Variants in L3MBTL4 observed in about 807,000 individuals in gnomAD.
L3MBTL4 encodes lethal(3)malignant brain tumor-like protein 4.
In L3MBTL4, 70 loss-of-function variants were observed where a neutral mutation model predicts 84.5. The observed-to-expected ratio is 0.83, with a 90% CI of 0.68 to 1.01. L3MBTL4 has a LOEUF of 1.01. Among genes scored for constraint, L3MBTL4 ranks in the 50% least tolerant of loss-of-function variants. The pLI is 0.00. For missense variants in L3MBTL4, 715 were observed against 754.8 expected, an observed-to-expected ratio of 0.95 and a Z score of 0.62; for synonymous variants, 274 against 259.8, an observed-to-expected ratio of 1.05 and a Z score of -0.52.
chr18:6,030,501 CTT>C (rs112869054), intron 16 of L3MBTL4: 9,256 of 809,030 alleles, frequency 0.011, no homozygotes, highest in Non-Finnish European at 0.012. Flanking sequence ...TGAAGAGACT[CTT>C]TTTTTTTTTT....
At chr18:6,069,738 C>T (rs910705014) in intron 16 of L3MBTL4, among the ~76,000 whole-genome samples, 4 of 152,036 alleles carry the variant, frequency 2.6e-5, no homozygotes, top group South Asian at 2.1e-4. Flanking sequence ...ATGCAGTTGG[C>T]GAGGCTGATA....
intron 3 of L3MBTL4, among the ~76,000 whole-genome samples, chr18:6,307,874 G>A (rs2050662014): frequency 6.6e-6 from 1 of 151,980 alleles, no homozygotes; most frequent in Non-Finnish European, 1.5e-5. Context: ...TTTCATTTTT[G>A]TATATTCATT....
At chr18:6,133,060 T>C (rs73381906) in intron 14 of L3MBTL4, among the ~76,000 whole-genome samples, 7,935 of 152,160 alleles carry the variant, frequency 0.052, 702 homozygotes, top group African/African-American at 0.18. Context: ...ACGATAATGA[T>C]TCAAGTTTTG....
intron 12 of L3MBTL4, among the ~76,000 whole-genome samples, chr18:6,197,587 T>C (rs1419350633): frequency 6.6e-6 from 1 of 152,212 alleles, no homozygotes; most frequent in Admixed American, 6.5e-5. Context: ...TGTGCGTGTG[T>C]CTTTGTGATA....
intron 18 of L3MBTL4, among the ~76,000 whole-genome samples, chr18:5,959,601 G>A (rs2095251987): frequency 6.6e-6 from 1 of 152,176 alleles, no homozygotes; most frequent in Non-Finnish European, 1.5e-5. Flanking sequence ...GCAGGGCAGG[G>A]ATAGATAGGA....
chr18:6,149,318 G>C (rs895194176), intron 13 of L3MBTL4, among the ~76,000 whole-genome samples: 1 of 151,200 alleles, frequency 6.6e-6, no homozygotes, highest in Non-Finnish European at 1.5e-5. Context: ...TTGTCCTTGC[G>C]ATAGTTTGCT....
chr18:6,207,845 C>A (rs565281379), intron 12 of L3MBTL4, among the ~76,000 whole-genome samples: 1 of 152,188 alleles, frequency 6.6e-6, no homozygotes, highest in South Asian at 2.1e-4. Context: ...ACGTCTCACA[C>A]CTATAATCCC....
intron 14 of L3MBTL4, among the ~76,000 whole-genome samples, chr18:6,098,381 C>A (rs191225398): frequency 5.4e-4 from 83 of 152,328 alleles, no homozygotes; most frequent in African/African-American, 1.8e-3. Context: ...CTCTAAGCCC[C>A]CTCTTGTTCC....
At chr18:6,044,655 G>A (rs1331294756) in intron 16 of L3MBTL4, among the ~76,000 whole-genome samples, 1 of 152,140 alleles carries the variant, frequency 6.6e-6, no homozygotes, top group Non-Finnish European at 1.5e-5. Context: ...GGAAAACAGG[G>A]AGGGAACAAG....
chr18:5,969,605 A>C (rs756520091), intron 16 of L3MBTL4, 43 bp from the exon 17 acceptor site: 2 of 1,554,334 alleles, frequency 1.3e-6, no homozygotes, highest in East Asian at 4.5e-5. Flanking sequence ...GCTCCCAGAG[A>C]GCAAGCACTG....
chr18:5,998,125 C>T (rs1473359285), intron 16 of L3MBTL4, among the ~76,000 whole-genome samples: 1 of 152,234 alleles, frequency 6.6e-6, no homozygotes, highest in Non-Finnish European at 1.5e-5. Context: ...GGCTCCAAAT[C>T]TCAGCCCTGC....
At chr18:6,045,616 A>G (rs1451475239) in intron 16 of L3MBTL4, among the ~76,000 whole-genome samples, 1 of 152,184 alleles carries the variant, frequency 6.6e-6, no homozygotes, top group Non-Finnish European at 1.5e-5. Context: ...ACTCACCATC[A>G]TGAGAACAGC....
chr18:6,086,238 G>T (rs947382762), intron 15 of L3MBTL4, among the ~76,000 whole-genome samples: 1 of 152,124 alleles, frequency 6.6e-6, no homozygotes, highest in Non-Finnish European at 1.5e-5. Flanking sequence ...AGGCTGCAAG[G>T]TTTTATTTTT....
intron 1 of L3MBTL4, among the ~76,000 whole-genome samples, chr18:6,345,421 CAAAA>C (rs1157761659): frequency 1.2e-3 from 176 of 150,216 alleles, no homozygotes; most frequent in Middle Eastern, 3.4e-3. Flanking sequence ...AACAAACAAA[CAAAA>C]AAAACCATAA....
chr18:6,112,071 A>G (rs889641002), intron 14 of L3MBTL4, among the ~76,000 whole-genome samples: 3 of 152,118 alleles, frequency 2.0e-5, no homozygotes, highest in Non-Finnish European at 4.4e-5. Flanking sequence ...TTCAGTATTT[A>G]TCTTTGCTAA....
intron 1 of L3MBTL4, among the ~76,000 whole-genome samples, chr18:6,389,620 A>G (rs2144499679): frequency 6.6e-6 from 1 of 152,342 alleles, no homozygotes; most frequent in South Asian, 2.1e-4. Flanking sequence ...TATTCCATGC[A>G]AATGGAAACC....
At chr18:6,275,321 T>G (rs923634223) in intron 4 of L3MBTL4, among the ~76,000 whole-genome samples, 3 of 152,202 alleles carry the variant, frequency 2.0e-5, no homozygotes, top group African/African-American at 7.2e-5. Flanking sequence ...AGAACTTCAC[T>G]GTCAAATTTG....
At chr18:6,250,162 ATT>A (rs2047860932) in intron 5 of L3MBTL4, among the ~76,000 whole-genome samples, 1 of 152,218 alleles carries the variant, frequency 6.6e-6, no homozygotes. Flanking sequence ...TATGAAATTG[ATT>A]TTGTCACTAA....
At chr18:6,262,434 C>A (rs2048447516) in intron 5 of L3MBTL4, among the ~76,000 whole-genome samples, 1 of 152,202 alleles carries the variant, frequency 6.6e-6, no homozygotes, top group South Asian at 2.1e-4. Context: ...ACTGAGCTTG[C>A]ACCTTTTGAT....
Sources: gnomAD v4.1 joint callset for allele counts (sites outside exome capture counted in the v4.1 genomes callset) on GRCh38, gnomAD v4.1.1 for gene constraint, MANE v1.5 for transcripts, NCBI Gene and HGNC (gene_info 2026-07-23, HGNC 2026-07-21) for gene names.